PPFIA1: variants seen among roughly 807,000 people sequenced by gnomAD.
PPFIA1 encodes the protein liprin-alpha-1.
PPFIA1 carries 25 observed loss-of-function variants against 149.9 expected under a neutral mutation model. That is an observed-to-expected ratio of 0.17 (90% CI 0.12 to 0.23). The LOEUF (loss-of-function observed/expected upper bound fraction) is 0.23, where lower values mean the gene tolerates loss of function less well. PPFIA1 is among the 10% of genes least tolerant of loss of function. The pLI, the probability that PPFIA1 is intolerant of heterozygous loss-of-function variation, is 1.00. For synonymous variants in PPFIA1, 549 were observed against 552.8 expected (o/e 0.99, Z 0.10); for missense variants, 1,362 against 1,506.5 (o/e 0.90, Z 1.59).
At chr11:70,353,748 C>T (rs548954833) in intron 16 of PPFIA1, among the ~76,000 whole-genome samples, 1 of 152,276 alleles carries the variant, frequency 6.6e-6, no homozygotes, top group East Asian at 1.9e-4. Flanking sequence ...AAATATGAGC[C>T]ATACACATGT....
At chr11:70,378,414 A>T in intron 26 of PPFIA1, 3 of 1,274,814 alleles carry the variant, frequency 2.4e-6, no homozygotes, top group Non-Finnish European at 3.0e-6. Context: ...GTCTGGTTGA[A>T]TCTTAGCATA....
rs140219198 is a variant in PPFIA1, at chr11:70,306,264, G to A, written c.265-18138G>A. 3.6e-3 allele frequency among the ~76,000 whole-genome samples: 553 copies of A among 151,574 alleles called. 3 individuals carry two copies. The highest frequency in any genetic ancestry group is 0.013 in the African/African-American group (525 of 41,376). ...GCACAAAAATCTCTTACTGTAAATT[G>A]TAAACGTATAGGGGAGTGACAAGCA... On this transcript the variant is annotated intron_variant, in intron 2 of 27. Transcript: ENST00000253925.
At chr11:70,362,264 C>A in intron 20 of PPFIA1, 24 bp from the exon 21 acceptor site, 1 of 1,613,870 alleles carries the variant, frequency 6.2e-7, no homozygotes. Flanking sequence ...ACTGTGCTGC[C>A]TTCCTTCCGC....
At chr11:70,377,775 GAGA>G (rs1158135175) in intron 25 of PPFIA1, among the ~76,000 whole-genome samples, 1 of 152,194 alleles carries the variant, frequency 6.6e-6, no homozygotes, top group Admixed American at 6.5e-5. Context: ...TGATGCTGTG[GAGA>G]AGGAGCACAT....
intron 9 of PPFIA1, among the ~76,000 whole-genome samples, chr11:70,332,866 A>T (rs138742809): frequency 6.6e-6 from 1 of 152,156 alleles, no homozygotes; most frequent in South Asian, 2.1e-4. Context: ...ATCCTTCTGG[A>T]CCATTCAGAT....
chr11:70,293,191 A>G (rs953438522), intron 2 of PPFIA1, among the ~76,000 whole-genome samples: 1 of 152,228 alleles, frequency 6.6e-6, no homozygotes, highest in African/African-American at 2.4e-5. Flanking sequence ...CCTGTTCTTC[A>G]GTGGCTCATC....
In PPFIA1 at chr11:70,343,600, C is replaced by T. The variant is rs12274637; in HGVS notation, c.1708-69C>T. On this transcript the variant is annotated intron_variant, in intron 14 of 27. Coordinates refer to ENST00000253925, the MANE Select transcript of PPFIA1 (RefSeq NM_003626.5). ...TTTCATTAAAGAATTCCTAAATTTC[C>T]GATAGATTTATGTTTCTACAACTAA... is the stretch of plus-strand genomic sequence containing the variant. 12,124 of 1,396,374 alleles carry T rather than the reference C, an allele frequency of 8.7e-3. 874 individuals carry two copies. In the African/African-American group the frequency reaches 0.15, roughly 18 times the overall value. The allele number at this position is 1,396,374 out of a possible 1,614,324, so 86.5% of individuals were successfully genotyped here.
At chr11:70,366,537 C>T (rs1189871051) in intron 21 of PPFIA1, among the ~76,000 whole-genome samples, 2 of 152,208 alleles carry the variant, frequency 1.3e-5, no homozygotes, top group African/African-American at 2.4e-5. Context: ...AAAACTCTAT[C>T]CCAACTGTTT....
chr11:70,339,727 G>C (rs1257107387), intron 14 of PPFIA1, among the ~76,000 whole-genome samples: 1 of 151,274 alleles, frequency 6.6e-6, no homozygotes, highest in Non-Finnish European at 1.5e-5. Context: ...AAAAATAAAT[G>C]AGTAGGCCAG....
intron 9 of PPFIA1, among the ~76,000 whole-genome samples, chr11:70,332,532 T>A (rs887682031): frequency 3.3e-5 from 5 of 152,202 alleles, no homozygotes; most frequent in African/African-American, 1.2e-4. Flanking sequence ...TATTTTTAAG[T>A]AATATTTATT....
chr11:70,282,680 C>T (rs67927691), intron 2 of PPFIA1, among the ~76,000 whole-genome samples: 13 of 150,836 alleles, frequency 8.6e-5, no homozygotes, highest in Non-Finnish European at 1.3e-4. Flanking sequence ...AGGTGCCCGC[C>T]ACTACATCCA....
chr11:70,275,215 A>C (rs2050314407), intron 2 of PPFIA1, among the ~76,000 whole-genome samples: 1 of 152,222 alleles, frequency 6.6e-6, no homozygotes, highest in African/African-American at 2.4e-5. Flanking sequence ...GAGGTAAAGC[A>C]TCTCTACCTG....
intron 23 of PPFIA1, 26 bp from the exon 24 acceptor site, chr11:70,374,892 T>C (rs765153700): frequency 2.5e-6 from 4 of 1,605,696 alleles, no homozygotes; most frequent in African/African-American, 2.7e-5. Flanking sequence ...GAAGCCACTT[T>C]TATAATTGTC....
rs2050143734 is a variant in PPFIA1 at position 70,272,381 on chromosome 11, A to C, written c.209A>C (p.Glu70Ala). Residue 70 changes from glutamate (E) to alanine (A), a missense_variant, in exon 2 of 28, where the codon GAG becomes GCG. This residue lies in a region of PPFIA1 where 100 missense variants were observed against 106.2 expected (regional missense o/e 0.94). Coordinates refer to ENST00000253925, the MANE Select transcript of PPFIA1 (RefSeq NM_003626.5). ...TLALTQGKLH[E>A]VGHERDSLQR... ...GCCTTAACCCAGGGGAAGTTACACGAGGTTGGTCATGAAAGAGATTCCTTG... is the reference window on the plus strand; with the variant it reads ...GCCTTAACCCAGGGGAAGTTACACGCGGTTGGTCATGAAAGAGATTCCTTG... The C allele has an allele frequency of 6.2e-7, 1 of 1,614,210 alleles. No individual in the cohort carries two copies. The highest frequency in any genetic ancestry group is 1.1e-5 in the South Asian group (1 of 91,090).
At chr11:70,355,861 G>C in intron 18 of PPFIA1, 50 bp downstream of exon 18, 3 of 1,566,934 alleles carry the variant, frequency 1.9e-6, no homozygotes, top group Non-Finnish European at 2.6e-6. Context: ...CGGGGAGGAA[G>C]GCACTGCCTT....
intron 21 of PPFIA1, chr11:70,365,581 G>A (rs989802794): frequency 2.7e-5 from 10 of 364,864 alleles, no homozygotes; most frequent in African/African-American, 2.1e-4. Flanking sequence ...TAGTTGAAAT[G>A]TGTAAGTAGA....
intron 21 of PPFIA1, among the ~76,000 whole-genome samples, chr11:70,369,485 G>A (rs2057121474): frequency 6.6e-6 from 1 of 152,178 alleles, no homozygotes; most frequent in East Asian, 1.9e-4. Flanking sequence ...CATAGAATGA[G>A]ATAAGGTGTT....
At chr11:70,382,504 C>T (rs2057750254) in intron 27 of PPFIA1, among the ~76,000 whole-genome samples, 1 of 152,008 alleles carries the variant, frequency 6.6e-6, no homozygotes, top group Non-Finnish European at 1.5e-5. Context: ...AGTCTCTCCT[C>T]CTGACGTCGT....
chr11:70,337,840 G>A lies in PPFIA1; in HGVS notation c.1491+413G>A, dbSNP rs186978511. On this transcript the variant is annotated intron_variant, in intron 12 of 27. Coordinates refer to ENST00000253925, the MANE Select transcript of PPFIA1 (RefSeq NM_003626.5). ...ATAATGTATTAATAGAAACAAGTGA[G>A]CTACTTTGCGTTCTTTTTCCACTGT... 3.9e-5 allele frequency among the ~76,000 whole-genome samples: 6 copies of A among 152,238 alleles called. No individual in the cohort carries two copies. The East Asian group carries it at 1.2e-3, about 29-fold the overall frequency.
Sources: allele counts gnomAD v4.1 joint callset (sites outside exome capture counted in the v4.1 genomes callset), GRCh38; gene constraint gnomAD v4.1.1; regional missense constraint gnomAD v4.1.1; transcripts MANE v1.5; gene names NCBI Gene and HGNC (gene_info 2026-07-23, HGNC 2026-07-21).